The following HS3ST3A1 variants were observed in gnomAD, a reference collection of about 807,000 sequenced individuals.
HS3ST3A1 encodes the protein heparan sulfate-glucosamine 3-sulfotransferase 3A1.
Under a neutral mutation model 25.7 loss-of-function variants are expected in HS3ST3A1, and 19 were observed. That is an observed-to-expected ratio of 0.74 (90% CI 0.52 to 1.08). The LOEUF is 1.08. HS3ST3A1 is among the 50% of genes least tolerant of loss of function. The pLI is 0.00. For missense variants in HS3ST3A1, 459 were observed against 594.3 expected (o/e 0.77, Z 2.37); for synonymous variants, 226 against 278.6 (o/e 0.81, Z 1.88).
chr17:13,526,515 T>TATATATATATATATATATA (rs1906433513), intron 1 of HS3ST3A1, among the ~76,000 whole-genome samples: 1 of 134,076 alleles, frequency 7.5e-6, no homozygotes, highest in Non-Finnish European at 1.6e-5. Context: ...TATATATATA[T>TATATATATATATATATATA]TATTGGGTTG....
intron 1 of HS3ST3A1, among the ~76,000 whole-genome samples, chr17:13,502,058 A>G (rs73982014): frequency 0.011 from 1,732 of 152,106 alleles, 37 homozygotes; most frequent in African/African-American, 0.04. Context: ...CAATTTTCCT[A>G]TCTGGCTCAA....
chr17:13,588,586 T>C (rs1185379765), intron 1 of HS3ST3A1, among the ~76,000 whole-genome samples: 2 of 152,320 alleles, frequency 1.3e-5, no homozygotes, highest in Non-Finnish European at 2.9e-5. Flanking sequence ...CACATCTATA[T>C]AAGTAAATAT....
intron 1 of HS3ST3A1, among the ~76,000 whole-genome samples, chr17:13,531,091 A>T (rs536654731): frequency 6.7e-6 from 1 of 150,048 alleles, no homozygotes; most frequent in Admixed American, 6.6e-5. Context: ...GCATGAGCTT[A>T]AACTTCTTAA....
chr17:13,526,802 C>T (rs953202252), intron 1 of HS3ST3A1, among the ~76,000 whole-genome samples: 1 of 151,834 alleles, frequency 6.6e-6, no homozygotes, highest in African/African-American at 2.4e-5. Context: ...CATGTGCCAC[C>T]ACGCCCAGCT....
intron 1 of HS3ST3A1, among the ~76,000 whole-genome samples, chr17:13,501,575 G>A (rs942696484): frequency 6.6e-6 from 1 of 152,104 alleles, no homozygotes; most frequent in African/African-American, 2.4e-5. Context: ...TAAAAACGAG[G>A]TTTGTGGTCC....
chr17:13,583,397 G>A (rs1036309809), intron 1 of HS3ST3A1, among the ~76,000 whole-genome samples: 1 of 152,122 alleles, frequency 6.6e-6, no homozygotes, highest in Non-Finnish European at 1.5e-5. Flanking sequence ...TTACATATAT[G>A]CAGAGAGTCA....
chr17:13,518,870 C>T (rs1906136235), intron 1 of HS3ST3A1, among the ~76,000 whole-genome samples: 1 of 152,166 alleles, frequency 6.6e-6, no homozygotes, highest in Admixed American at 6.5e-5. Context: ...ATAAGCAAGG[C>T]CAGCTGAGAT....
chr17:13,527,750 G>A (rs959286766), intron 1 of HS3ST3A1, among the ~76,000 whole-genome samples: 3 of 152,168 alleles, frequency 2.0e-5, no homozygotes, highest in African/African-American at 7.2e-5. Flanking sequence ...ACAAACATTT[G>A]TTCGTAGGCT....
intron 1 of HS3ST3A1, among the ~76,000 whole-genome samples, chr17:13,592,964 G>T (rs1908469609): frequency 6.6e-6 from 1 of 152,192 alleles, no homozygotes; most frequent in African/African-American, 2.4e-5. Context: ...CCAGAGGTCT[G>T]AAGGTTGCAC....
chr17:13,498,647 A>T (rs1468022547), intron 1 of HS3ST3A1, among the ~76,000 whole-genome samples: 1 of 152,228 alleles, frequency 6.6e-6, no homozygotes, highest in Non-Finnish European at 1.5e-5. Flanking sequence ...GCCAAGAAGA[A>T]TCTAGACAGA....
intron 1 of HS3ST3A1, among the ~76,000 whole-genome samples, chr17:13,569,209 C>T (rs771379449): frequency 3.9e-5 from 6 of 152,214 alleles, no homozygotes; most frequent in Non-Finnish European, 8.8e-5. Context: ...ACAGCAGCCT[C>T]AGCCCCCACT....
At position 13,600,676 on chromosome 17, in the gene HS3ST3A1, G is replaced by C. The variant is rs757645775; in HGVS notation, c.454C>G (p.Leu152Val). The C allele has an allele frequency of 6.3e-7, 1 of 1,585,420 alleles. No individual in the cohort carries two copies. Among genetic ancestry groups the C allele is most frequent in the South Asian group, 1.1e-5 (1 of 88,646 alleles). ...ACTCCGATGATGATGGCCTGCGGCA[G>C]CTGCTTGCTGCCTTCGTCCAGGAGC... ...ALLLDEGSKQLPQAIIIGVKK... is the reference protein window; with the variant it reads ...ALLLDEGSKQVPQAIIIGVKK... Residue 152 changes from leucine to valine, a missense_variant, in exon 1 of 2, where the codon CTG (leucine) becomes GTG (valine). This residue lies in a region of HS3ST3A1 where 346 missense variants were observed against 303.9 expected (regional missense o/e 1.14). Coordinates refer to ENST00000284110, the MANE Select transcript of HS3ST3A1 (RefSeq NM_006042.3).
intron 1 of HS3ST3A1, among the ~76,000 whole-genome samples, chr17:13,574,308 T>C (rs991446721): frequency 6.6e-6 from 1 of 151,748 alleles, no homozygotes; most frequent in Admixed American, 6.5e-5. Flanking sequence ...TAATTTTTTG[T>C]GTTTTTAGTA....
intron 1 of HS3ST3A1, among the ~76,000 whole-genome samples, chr17:13,552,110 C>T (rs569371499): frequency 4.6e-5 from 7 of 152,170 alleles, no homozygotes; most frequent in East Asian, 3.9e-4. Context: ...GACAGAGTCT[C>T]GTTCTGTCGC....
chr17:13,522,199 A>G (rs1309354084), intron 1 of HS3ST3A1, among the ~76,000 whole-genome samples: 1 of 151,816 alleles, frequency 6.6e-6, no homozygotes, highest in Non-Finnish European at 1.5e-5. Context: ...GTTTGTATGT[A>G]TGTATATGCA....
At chr17:13,542,295 C>G (rs953446566) in intron 1 of HS3ST3A1, among the ~76,000 whole-genome samples, 1 of 149,768 alleles carries the variant, frequency 6.7e-6, no homozygotes, top group Non-Finnish European at 1.5e-5. Context: ...CGCCACTGCC[C>G]TCCAGCCTGG....
intron 1 of HS3ST3A1, among the ~76,000 whole-genome samples, chr17:13,596,297 C>T (rs1034818946): frequency 1.3e-4 from 20 of 151,976 alleles, no homozygotes; most frequent in African/African-American, 4.1e-4. Context: ...GTTCCCTACT[C>T]AGGATGTCCA....
At chr17:13,558,691 G>A (rs1224352358) in intron 1 of HS3ST3A1, among the ~76,000 whole-genome samples, 1 of 152,168 alleles carries the variant, frequency 6.6e-6, no homozygotes, top group Non-Finnish European at 1.5e-5. Context: ...TCTGGCATGT[G>A]AGAAGTTAAC....
chr17:13,504,380 A>G (rs1414452347), intron 1 of HS3ST3A1, among the ~76,000 whole-genome samples: 1 of 152,158 alleles, frequency 6.6e-6, no homozygotes, highest in African/African-American at 2.4e-5. Context: ...CCAGTCACAA[A>G]AAAGGAAACA....
Sources: allele counts gnomAD v4.1 joint callset (sites outside exome capture counted in the v4.1 genomes callset), GRCh38; gene constraint gnomAD v4.1.1; regional missense constraint gnomAD v4.1.1; transcripts MANE v1.5; gene names NCBI Gene and HGNC (gene_info 2026-07-23, HGNC 2026-07-21).